GABRA3: variants seen among roughly 807,000 people sequenced by gnomAD.
GABRA3 encodes the protein gamma-aminobutyric acid receptor subunit alpha-3.
In GABRA3, 10 loss-of-function variants were observed where a neutral mutation model predicts 30.1. The observed-to-expected ratio is 0.33, with a 90% CI of 0.20 to 0.56. The LOEUF is 0.56. GABRA3 is among the 20% of genes least tolerant of loss of function. The pLI, the probability that GABRA3 is intolerant of heterozygous loss-of-function variation, is 0.89. For missense variants in GABRA3, 233 were observed against 392.0 expected (o/e 0.59, Z 3.42); for synonymous variants, 151 against 146.8 (o/e 1.03, Z -0.21).
intron 3 of GABRA3, among the ~76,000 whole-genome samples, chrX:152,323,993 C>T (rs1205124997): frequency 8.9e-6 from 1 of 112,268 alleles, no homozygotes; most frequent in Non-Finnish European, 1.9e-5. Flanking sequence ...TCTTATCCAA[C>T]CTTACATCCC....
At chrX:152,242,459 T>A (rs767193751) in intron 5 of GABRA3, among the ~76,000 whole-genome samples, 1 of 111,837 alleles carries the variant, frequency 8.9e-6, no homozygotes, top group East Asian at 2.8e-4. Context: ...AAGGAAACAG[T>A]TAACACAGTG....
At chrX:152,295,165 G>A (rs960882603) in intron 3 of GABRA3, among the ~76,000 whole-genome samples, 1 of 112,536 alleles carries the variant, frequency 8.9e-6, no homozygotes, top group Non-Finnish European at 1.9e-5. Context: ...GGACCCACTT[G>A]AGGAGGCAGT....
chrX:152,218,089 G>T (rs764600636), intron 6 of GABRA3, among the ~76,000 whole-genome samples: 1 of 108,267 alleles, frequency 9.2e-6, no homozygotes, highest in Admixed American at 1.0e-4. Flanking sequence ...TTAAATATAG[G>T]TTTTACAGTT....
rs981872120 is a variant in GABRA3, at chrX:152,312,573, T to C, written c.263-27838A>G. ...GAAATACCATTCTGGACATAGGACC[T>C]GGCAAATATTTCATGACAAAGAAAT... On this transcript the variant is annotated intron_variant, in intron 3 of 9. Coordinates refer to ENST00000370314, the MANE Select transcript of GABRA3 (RefSeq NM_000808.4). Among the ~76,000 whole-genome samples, 5 of 111,958 alleles carry C rather than the reference T, an allele frequency of 4.5e-5. No individual in the cohort carries two copies. In the South Asian group the frequency reaches 1.8e-3, roughly 41 times the overall value.
chrX:152,378,835 AC>A (rs11358042), intron 1 of GABRA3, among the ~76,000 whole-genome samples: 36,331 of 110,509 alleles, frequency 0.33, 4,410 homozygotes, highest in Admixed American at 0.41. Context: ...GTAATTATTA[AC>A]CAAAAAATCC....
At chrX:152,404,895 C>T (rs1454222876) in intron 1 of GABRA3, among the ~76,000 whole-genome samples, 3 of 108,221 alleles carry the variant, frequency 2.8e-5, no homozygotes, top group South Asian at 4.2e-4. Flanking sequence ...GTTTAGAGGA[C>T]GGAGGTGGAG....
intron 3 of GABRA3, among the ~76,000 whole-genome samples, chrX:152,341,124 T>C (rs774430013): frequency 7.0e-4 from 78 of 111,357 alleles, no homozygotes; most frequent in Non-Finnish European, 1.2e-3. Context: ...GAACATATAG[T>C]ATTTGGTTTT....
intron 1 of GABRA3, among the ~76,000 whole-genome samples, chrX:152,449,273 A>C (rs1931163484): frequency 8.9e-6 from 1 of 112,397 alleles, no homozygotes; most frequent in African/African-American, 3.2e-5. Flanking sequence ...AGAGCCACCT[A>C]ATGCACTCTC....
At chrX:152,224,332 C>T in intron 6 of GABRA3, among the ~76,000 whole-genome samples, 1 of 112,023 alleles carries the variant, frequency 8.9e-6, no homozygotes, top group Non-Finnish European at 1.9e-5. Flanking sequence ...GCCTATCACA[C>T]ACTGTTAAGA....
chrX:152,348,189 G>A (rs1022883430), intron 2 of GABRA3, among the ~76,000 whole-genome samples: 3 of 110,940 alleles, frequency 2.7e-5, no homozygotes, highest in Non-Finnish European at 5.7e-5. Flanking sequence ...AAACTGCAAC[G>A]TGATCCTATA....
chrX:152,307,973 C>T (rs1043706537), intron 3 of GABRA3, among the ~76,000 whole-genome samples: 4 of 112,381 alleles, frequency 3.6e-5, no homozygotes, highest in Non-Finnish European at 7.5e-5. Context: ...GCCAGGGATG[C>T]CCATCCACCA....
intron 1 of GABRA3, among the ~76,000 whole-genome samples, chrX:152,445,060 CAAAAAA>C (rs1204814043): frequency 2.1e-4 from 4 of 18,722 alleles, no homozygotes; most frequent in Non-Finnish European, 4.0e-4. Context: ...GACTCCGTCT[CAAAAAA>C]AAAAAAAAAA....
chrX:152,264,687 A>G (rs754205984), intron 4 of GABRA3, among the ~76,000 whole-genome samples: 14 of 111,059 alleles, frequency 1.3e-4, no homozygotes, highest in African/African-American at 4.6e-4. Flanking sequence ...TGCTATAATA[A>G]AAAAAATACA....
rs181484527 is a variant in GABRA3, at chrX:152,433,319, C to T, written c.-27+17827G>A. On this transcript the variant is annotated intron_variant, in intron 1 of 9. Transcript: ENST00000370314. ...AACAAGAAAAGAAATAATACCTTAA[C>T]ATAAGGATCTTAAAAGGAGGGCAAA... Among the ~76,000 whole-genome samples, 6 of 109,256 alleles carry T rather than the reference C, an allele frequency of 5.5e-5. No individual in the cohort carries two copies. In the Admixed American group the frequency reaches 5.9e-4, roughly 11 times the overall value. The allele number at this position is 109,256 out of a possible 115,157, so 94.9% of individuals were successfully genotyped here. A position where few individuals can be genotyped will look rare whatever the true frequency, so the allele number is the denominator to read the frequency against.
At chrX:152,338,720 T>C (rs1176386798) in intron 3 of GABRA3, among the ~76,000 whole-genome samples, 1 of 112,321 alleles carries the variant, frequency 8.9e-6, no homozygotes, top group Non-Finnish European at 1.9e-5. Context: ...TGATGAGAGA[T>C]AGGGGTTGAG....
At chrX:152,205,737 A>G (rs759488266) in intron 7 of GABRA3, among the ~76,000 whole-genome samples, 6 of 111,914 alleles carry the variant, frequency 5.4e-5, no homozygotes, top group Admixed American at 9.5e-5. Context: ...ATGTGCATTT[A>G]GTGACATGAA....
At chrX:152,227,275 C>T (rs1260106309) in intron 5 of GABRA3, among the ~76,000 whole-genome samples, 4 of 103,068 alleles carry the variant, frequency 3.9e-5, no homozygotes, top group Non-Finnish European at 7.9e-5. Flanking sequence ...AGTAAACTAT[C>T]GCAAGGACAA....
At chrX:152,266,487 G>A (rs983568371) in intron 4 of GABRA3, among the ~76,000 whole-genome samples, 2 of 111,377 alleles carry the variant, frequency 1.8e-5, no homozygotes, top group Admixed American at 1.9e-4. Flanking sequence ...GAAAAGTAAC[G>A]ATCACCTCAG....
rs1480594331 is a variant in GABRA3, at chrX:152,298,973, T to C, written c.263-14238A>G. Among the ~76,000 whole-genome samples, 8 of 111,908 alleles carry C rather than the reference T, an allele frequency of 7.1e-5. No homozygotes were observed. In the South Asian group the frequency reaches 2.6e-3, roughly 36 times the overall value. On this transcript the variant is annotated intron_variant, in intron 3 of 9. Transcript: ENST00000370314. ...TATGACTTCAATATTTAAAATATTA[T>C]AGTTTCCAAGGACATAATAGATTAA...
Sources: allele counts gnomAD v4.1 joint callset (sites outside exome capture counted in the v4.1 genomes callset), GRCh38; gene constraint gnomAD v4.1.1; transcripts MANE v1.5; gene names NCBI Gene and HGNC (gene_info 2026-07-23, HGNC 2026-07-21).